The following GTF2A1L variants were observed in gnomAD, a reference collection of about 807,000 sequenced individuals.
The protein encoded by GTF2A1L is TFIIA-alpha and beta-like factor.
A neutral mutation model predicts 49.7 loss-of-function variants in GTF2A1L; 48 were observed. The observed-to-expected ratio is 0.97, with a 90% CI of 0.77 to 1.23. The LOEUF (loss-of-function observed/expected upper bound fraction) is 1.23, where lower values mean the gene tolerates loss of function less well. Among genes scored for constraint, GTF2A1L ranks in the 50% most tolerant of loss-of-function variants. The pLI is 0.00. For synonymous variants in GTF2A1L, 246 were observed against 193.5 expected (o/e 1.27, Z -2.25); for missense variants, 736 against 564.8 (o/e 1.30, Z -3.07).
At chr2:48,627,490 C>T (rs147432263) in intron 3 of GTF2A1L, among the ~76,000 whole-genome samples, 1 of 143,714 alleles carries the variant, frequency 7.0e-6, no homozygotes, top group Admixed American at 7.1e-5. Flanking sequence ...TATAACTAGG[C>T]CTCTCATCCA....
At chr2:48,655,991 T>C (rs923828370) in intron 6 of GTF2A1L, among the ~76,000 whole-genome samples, 6 of 152,184 alleles carry the variant, frequency 3.9e-5, no homozygotes, top group Admixed American at 3.3e-4. Context: ...TTCATCCATG[T>C]TGTAGCATGT....
At position 48,627,877 on chromosome 2, in the gene GTF2A1L, A is replaced by G. The variant is rs979848098; in HGVS notation, c.247+6587A>G. ...GTTTTTCAACCCTTGCCTTCCTCTC[A>G]CCCTCATCCCTCTAGTAGTACCCAT... On this transcript the variant is annotated intron_variant, in intron 3 of 8. Coordinates refer to ENST00000403751, the MANE Select transcript of GTF2A1L (RefSeq NM_006872.5). Among the ~76,000 whole-genome samples the G allele has an allele frequency of 2.1e-5, 3 of 142,986 alleles. 1 individual carries two copies. The highest frequency in any genetic ancestry group is 7.5e-5 in the African/African-American group (3 of 40,240). The allele number at this position is 142,986 out of a possible 152,430, so 93.8% of individuals were successfully genotyped here.
intron 8 of GTF2A1L, among the ~76,000 whole-genome samples, 164 bp from the exon 9 acceptor site, chr2:48,679,171 T>C (rs944535247): frequency 1.3e-5 from 2 of 152,040 alleles, no homozygotes; most frequent in African/African-American, 4.8e-5. Flanking sequence ...GTCTAACACA[T>C]AGGAACTCAA....
intron 6 of GTF2A1L, among the ~76,000 whole-genome samples, chr2:48,665,012 C>T (rs927456014): frequency 2.1e-4 from 32 of 151,918 alleles, no homozygotes; most frequent in Non-Finnish European, 1.5e-4. Context: ...ACCAGCACCT[C>T]CTGGGTTCAC....
intron 1 of GTF2A1L, 152 bp from the exon 2 acceptor site, chr2:48,620,699 C>A: frequency 3.2e-6 from 1 of 310,126 alleles, no homozygotes; most frequent in Non-Finnish European, 4.9e-6. Flanking sequence ...ATTGCTTGAA[C>A]CTGGGACGTG....
At chr2:48,640,986 A>G (rs934117239) in intron 3 of GTF2A1L, among the ~76,000 whole-genome samples, 1 of 152,220 alleles carries the variant, frequency 6.6e-6, no homozygotes, top group Non-Finnish European at 1.5e-5. Flanking sequence ...ATGTCTATAA[A>G]GAAACTTTAA....
chr2:48,661,091 A>T (rs572824661), intron 6 of GTF2A1L, among the ~76,000 whole-genome samples: 1 of 151,346 alleles, frequency 6.6e-6, no homozygotes, highest in Non-Finnish European at 1.5e-5. Flanking sequence ...TTTCTCTAAC[A>T]TTATTATTTA....
At chr2:48,657,787 A>C (rs751424274) in intron 6 of GTF2A1L, among the ~76,000 whole-genome samples, 2 of 151,622 alleles carry the variant, frequency 1.3e-5, no homozygotes, top group Non-Finnish European at 2.9e-5. Context: ...ACTTTTTAAT[A>C]ATATCCATTC....
chr2:48,633,688 T>G (rs1676713447), intron 3 of GTF2A1L, among the ~76,000 whole-genome samples: 1 of 152,212 alleles, frequency 6.6e-6, no homozygotes. Flanking sequence ...ATTTCTTTGT[T>G]AGTTTTCTGC....
At chr2:48,658,676 G>A (rs747285520) in intron 6 of GTF2A1L, among the ~76,000 whole-genome samples, 1 of 151,938 alleles carries the variant, frequency 6.6e-6, no homozygotes, top group Non-Finnish European at 1.5e-5. Flanking sequence ...TCATAATTAG[G>A]TATTGGTCTG....
At chr2:48,633,889 CCTT>C (rs1434153456) in intron 3 of GTF2A1L, among the ~76,000 whole-genome samples, 3 of 32,914 alleles carry the variant, frequency 9.1e-5, no homozygotes, top group Non-Finnish European at 2.5e-4. Context: ...TATATAATGG[CCTT>C]CTTTGTTTTT....
chr2:48,619,417 C>T (rs749809084), intron 1 of GTF2A1L, among the ~76,000 whole-genome samples: 1 of 151,242 alleles, frequency 6.6e-6, no homozygotes, highest in Non-Finnish European at 1.5e-5. Context: ...TTGCAGTGGG[C>T]CCAGATTGTG....
intron 6 of GTF2A1L, 27 bp from the exon 7 acceptor site, chr2:48,669,695 C>G: frequency 6.3e-7 from 1 of 1,585,088 alleles, no homozygotes. Flanking sequence ...TTGACTTGAA[C>G]TTTATTGTAT....
intron 4 of GTF2A1L, among the ~76,000 whole-genome samples, chr2:48,644,054 C>T (rs1317380933): frequency 6.6e-6 from 1 of 152,086 alleles, no homozygotes; most frequent in Admixed American, 6.6e-5. Context: ...GCCTGTAGTC[C>T]TGGCTACTTG....
chr2:48,650,813 T>C (rs955304704), intron 6 of GTF2A1L, among the ~76,000 whole-genome samples: 3 of 152,178 alleles, frequency 2.0e-5, no homozygotes, highest in African/African-American at 4.8e-5. Flanking sequence ...ATAATTATCA[T>C]TGTTACTCTA....
intron 2 of GTF2A1L, 52 bp downstream of exon 2, chr2:48,621,004 A>G (rs781243586): frequency 6.4e-7 from 1 of 1,565,776 alleles, no homozygotes; most frequent in South Asian, 1.2e-5. Flanking sequence ...TTTTTTCAGC[A>G]TACAAAACTG....
intron 6 of GTF2A1L, among the ~76,000 whole-genome samples, chr2:48,657,806 GTGAGA>G: frequency 6.6e-6 from 1 of 151,162 alleles, no homozygotes; most frequent in South Asian, 2.1e-4. Context: ...TCTGACTTGT[GTGAGA>G]TGATATCTTA....
chr2:48,638,640 A>C lies in GTF2A1L; in HGVS notation c.248-3762A>C, dbSNP rs113013316. Among the ~76,000 whole-genome samples the C allele has an allele frequency of 2.8e-3, 421 of 152,274 alleles. 6 individuals carry two copies. The highest frequency in any genetic ancestry group is 9.9e-3 in the African/African-American group (410 of 41,570). ...ATTATACTGAATGGGGAAAAGCTGA[A>C]TGCATTCCCCTTGAAAACAGCACAA... On this transcript the variant is annotated intron_variant, in intron 3 of 8. Coordinates refer to ENST00000403751, the MANE Select transcript of GTF2A1L (RefSeq NM_006872.5).
At chr2:48,644,197 TAAATA>T (rs1336907793) in intron 4 of GTF2A1L, among the ~76,000 whole-genome samples, 11 of 152,286 alleles carry the variant, frequency 7.2e-5, no homozygotes, top group Non-Finnish European at 1.0e-4. Flanking sequence ...AAAACATTTA[TAAATA>T]AAATAAAGAG....
Sources: gnomAD v4.1 joint callset for allele counts (sites outside exome capture counted in the v4.1 genomes callset) on GRCh38, gnomAD v4.1.1 for gene constraint, MANE v1.5 for transcripts, NCBI Gene and HGNC (gene_info 2026-07-23, HGNC 2026-07-21) for gene names.